FER1L5: variants seen among roughly 807,000 people sequenced by gnomAD.
FER1L5 encodes the protein fer-1-like protein 5.
In FER1L5, 187 loss-of-function variants were observed where a neutral mutation model predicts 279.9. The ratio of observed to expected loss-of-function variants is 0.67; its 90% CI spans 0.59 to 0.75. The LOEUF (loss-of-function observed/expected upper bound fraction) is 0.75. Ranked by LOEUF, FER1L5 falls within the 30% of genes least tolerant of loss-of-function variation. The pLI is 0.00. For synonymous variants in FER1L5, 921 were observed against 989.7 expected, an observed-to-expected ratio of 0.93 and a Z score of 1.30; for missense variants, 2,091 against 2,594.4, an observed-to-expected ratio of 0.81 and a Z score of 4.21.
chr2:96,685,039 C>T (rs1299358268), intron 20 of FER1L5, among the ~76,000 whole-genome samples: 1 of 121,274 alleles, frequency 8.2e-6, no homozygotes, highest in Non-Finnish European at 1.8e-5. Context: ...GGGCTGGCAC[C>T]TCTGGCATGA....
chr2:96,649,963 G>C (rs1369847242), intron 5 of FER1L5, among the ~76,000 whole-genome samples: 1 of 152,218 alleles, frequency 6.6e-6, no homozygotes, highest in Non-Finnish European at 1.5e-5. Flanking sequence ...ATCTCCAAGA[G>C]CCCCAGTGTG....
intron 49 of FER1L5, 35 bp from the exon 50 acceptor site, chr2:96,703,118 G>A (rs376840699): frequency 2.0e-4 from 326 of 1,612,954 alleles, no homozygotes; most frequent in Non-Finnish European, 2.7e-4. Flanking sequence ...AGGACAGGGA[G>A]CTCCTTCTTG....
chr2:96,671,753 G>A (rs973116824), intron 18 of FER1L5, among the ~76,000 whole-genome samples: 4 of 152,212 alleles, frequency 2.6e-5, no homozygotes, highest in South Asian at 2.1e-4. Context: ...TTGCAGAAGC[G>A]GTTGGACAGG....
chr2:96,676,314 G>A (rs896946839), intron 19 of FER1L5, among the ~76,000 whole-genome samples: 12 of 152,250 alleles, frequency 7.9e-5, no homozygotes, highest in African/African-American at 2.6e-4. Context: ...TGGGATTACA[G>A]GCATGCGCCA....
Position 96,702,010 on chromosome 2 carries a change from C to T in FER1L5, c.5126C>T (p.Pro1709Leu). The change falls in exon 46 of 53, where the codon CCC (proline) becomes CTC (leucine). Residue 1709 changes from proline (P) to leucine (L), a missense_variant. Physicochemically the swap from Pro to Leu is moderately conservative, Grantham distance 98. Transcript: ENST00000624922. This position sits in a 1 kb window ranked among gnomAD's most constrained non-coding sequence, Gnocchi z 4.0. The stretch of plus-strand genomic sequence containing the variant: ...CCCAAGAAGCTGGGGCCTCCTGGCC[C>T]CCAAGTCAACATCAACCCCAGAAAG... ...IFPKKLGPPG[P>L]QVNINPRKPK... is the part of the protein sequence containing the mutation. The T allele has an allele frequency of 6.2e-7, 1 of 1,613,980 alleles. No homozygotes were observed. Among genetic ancestry groups the T allele is most frequent in the Non-Finnish European group, 8.5e-7 (1 of 1,179,890 alleles).
intron 19 of FER1L5, among the ~76,000 whole-genome samples, chr2:96,674,194 C>T (rs528453033): frequency 6.6e-6 from 1 of 152,288 alleles, no homozygotes; most frequent in African/African-American, 2.4e-5. Context: ...CTCCCCAGCC[C>T]TAGGCAACCA....
In FER1L5 at chr2:96,689,680, G is replaced by A; in HGVS notation, c.2562G>A (p.Val854=). Residue 854 remains valine, a synonymous_variant, in exon 26 of 53, where the codon GTG becomes GTA. Transcript: ENST00000624922. This position sits in a 1 kb window ranked among gnomAD's most constrained non-coding sequence, Gnocchi z 4.6. ...LLDIDINKSQ[V]LEEVYENQGR... Reference sequence around the variant, plus strand: ...ACATAGACATCAACAAGAGCCAGGTGCTGGAGGAGGTATATGAGAACCAGG... The same window carrying A: ...ACATAGACATCAACAAGAGCCAGGTACTGGAGGAGGTATATGAGAACCAGG... The A allele has an allele frequency of 6.4e-7, 1 of 1,551,164 alleles. No homozygotes were observed. The highest frequency in any genetic ancestry group is 2.4e-5 in the East Asian group (1 of 40,876).
Position 96,703,582 on chromosome 2 carries a change from CG to C in FER1L5, c.5754del (p.Arg1919GlufsTer45). 6.2e-7 allele frequency: 1 copy of C among 1,613,952 alleles called. No individual in the cohort carries two copies. The highest frequency in any genetic ancestry group is 1.1e-5 in the South Asian group (1 of 91,080). On this transcript the variant is annotated frameshift_variant, in exon 51 of 53. Coordinates refer to ENST00000624922, the MANE Select transcript of FER1L5 (RefSeq NM_001293083.2). LOFTEE classifies it high-confidence loss of function. ...AGAAGGAAGCCTTAATCAAGCCAGC[CG>C]GGCGAGGCCAGTCGGAACCCAACCA... is the stretch of plus-strand genomic sequence containing the variant. ...SEKEALIKPA[G>X]RGQSEPNQYP...
intron 19 of FER1L5, among the ~76,000 whole-genome samples, chr2:96,681,232 T>C (rs954818598): frequency 4.6e-5 from 7 of 152,162 alleles, no homozygotes; most frequent in Non-Finnish European, 8.8e-5. Flanking sequence ...CTCATACCTG[T>C]AGTCCTAGCT....
Position 96,697,709 on chromosome 2 carries a change from C to T in FER1L5, c.4184C>T (p.Thr1395Ile), listed in dbSNP as rs2077434850. ...VDWWSKLFWA[T>I]DEHKSLKYKY... ...TGGTGGAGCAAGCTGTTCTGGGCCA[C>T]AGATGAGCACAAGTCCCTGAAGTAC... Residue 1395 changes from threonine (T) to isoleucine (I), a missense_variant, in exon 39 of 53, where the codon ACA becomes ATA. Coordinates refer to ENST00000624922, the MANE Select transcript of FER1L5 (RefSeq NM_001293083.2). The T allele has an allele frequency of 6.2e-7, 1 of 1,613,904 alleles. No homozygotes were observed. The highest frequency in any genetic ancestry group is 8.5e-7 in the Non-Finnish European group (1 of 1,179,898).
At chr2:96,686,145 C>G in intron 22 of FER1L5, 28 bp downstream of exon 22, 4 of 1,546,922 alleles carry the variant, frequency 2.6e-6, no homozygotes, top group Non-Finnish European at 3.5e-6. Context: ...TGGCCTGCAG[C>G]AGGGCTGGGA....
At chr2:96,672,159 A>G (rs1186098971) in intron 18 of FER1L5, among the ~76,000 whole-genome samples, 1 of 152,054 alleles carries the variant, frequency 6.6e-6, no homozygotes, top group Non-Finnish European at 1.5e-5. Context: ...GCTCACCACA[A>G]CCTCCACCTC....
chr2:96,647,165 A>G lies in FER1L5; in HGVS notation c.230+10A>G. On this transcript the variant is annotated intron_variant, in intron 3 of 52. Transcript: ENST00000624922. The stretch of plus-strand genomic sequence containing the variant: ...CACAAAAGAAAGAAAGGTGAGGCAG[A>G]GAGAGGCAGGAGGAGCCTAGCTCCT... 1 of 1,551,584 alleles carries G rather than the reference A, an allele frequency of 6.4e-7. No individual in the cohort carries two copies. Among genetic ancestry groups the G allele is most frequent in the Non-Finnish European group, 8.7e-7 (1 of 1,146,906 alleles).
At chr2:96,701,729 C>T (rs2077592203) in intron 45 of FER1L5, among the ~76,000 whole-genome samples, 1 of 152,120 alleles carries the variant, frequency 6.6e-6, no homozygotes, top group South Asian at 2.1e-4. Context: ...TGCCATCAGC[C>T]CCAAAGCTAC....
At chr2:96,650,385 G>C (rs2075311960) in intron 6 of FER1L5, 96 bp downstream of exon 6, 2 of 1,012,496 alleles carry the variant, frequency 2.0e-6, no homozygotes, top group South Asian at 3.0e-5. Context: ...GGTCATGGTA[G>C]AAGGGCAGAG....
At chr2:96,688,061 T>C (rs2077000103) in intron 24 of FER1L5, 114 bp downstream of exon 24, 3 of 1,381,514 alleles carry the variant, frequency 2.2e-6, no homozygotes, top group African/African-American at 2.9e-5. Flanking sequence ...GAAGGGAGGG[T>C]GTAGCTGCAG....
chr2:96,663,708 C>T (rs1412851237), intron 14 of FER1L5, among the ~76,000 whole-genome samples: 4 of 152,082 alleles, frequency 2.6e-5, no homozygotes, highest in East Asian at 3.9e-4. Context: ...TTATCATTGA[C>T]GTACCTATGT....
In FER1L5 at chr2:96,702,902, G is replaced by C. The variant is rs2077642970; in HGVS notation, c.5398-76G>C. ...TTCCTTGATAGTCTATCACTGCTGG[G>C]TGGAGGGCCACTGAGGGGTGCAAGG... On this transcript the variant is annotated intron_variant, in intron 48 of 52. Coordinates refer to ENST00000624922, the MANE Select transcript of FER1L5 (RefSeq NM_001293083.2). This position sits in a 1 kb window ranked among gnomAD's most constrained non-coding sequence, Gnocchi z 4.0. The C allele has an allele frequency of 1.1e-5, 17 of 1,542,342 alleles. No individual in the cohort carries two copies. The highest frequency in any genetic ancestry group is 1.4e-5 in the Non-Finnish European group (16 of 1,136,358).
intron 9 of FER1L5, among the ~76,000 whole-genome samples, chr2:96,659,300 T>TCCTG (rs2075741958): frequency 6.6e-5 from 2 of 30,200 alleles, no homozygotes; most frequent in African/African-American, 1.0e-4. Flanking sequence ...TTTCCTTCCT[T>TCCTG]CCTTCCTTCC....
Sources: allele counts gnomAD v4.1 joint callset (sites outside exome capture counted in the v4.1 genomes callset), GRCh38; gene constraint gnomAD v4.1.1; non-coding constraint Gnocchi (gnomAD v3.1); transcripts MANE v1.5; gene names NCBI Gene and HGNC (gene_info 2026-07-23, HGNC 2026-07-21).